DLC1: variants seen among roughly 807,000 people sequenced by gnomAD.
DLC1 encodes rho GTPase-activating protein 7.
A neutral mutation model predicts 140.3 loss-of-function variants in DLC1; 54 were observed. That is an observed-to-expected ratio of 0.38 (90% CI 0.31 to 0.48). The LOEUF (loss-of-function observed/expected upper bound fraction) is 0.48. Ranked by LOEUF, DLC1 falls within the 20% of genes least tolerant of loss-of-function variation. The pLI, the probability that DLC1 is intolerant of heterozygous loss-of-function variation, is 0.96. For synonymous variants in DLC1, 986 were observed against 728.1 expected (o/e 1.35, Z -5.70); for missense variants, 2,536 against 1,907.0 (o/e 1.33, Z -6.14).
intron 5 of DLC1, among the ~76,000 whole-genome samples, chr8:13,153,544 C>G (rs138928528): frequency 6.6e-6 from 1 of 152,238 alleles, no homozygotes; most frequent in Non-Finnish European, 1.5e-5. Context: ...CTCTTATTCC[C>G]TTATGTGGTC....
intron 5 of DLC1, among the ~76,000 whole-genome samples, chr8:13,269,499 T>G (rs1272405213): frequency 6.6e-6 from 1 of 151,462 alleles, no homozygotes; most frequent in Non-Finnish European, 1.5e-5. Context: ...GAGGATCACT[T>G]GAGGACAGCA....
intron 5 of DLC1, among the ~76,000 whole-genome samples, chr8:13,259,048 A>G (rs866951153): frequency 1.3e-5 from 2 of 151,210 alleles, no homozygotes; most frequent in Admixed American, 1.3e-4. Context: ...GAGGCAGGAG[A>G]ATGGCGTGAA....
chr8:13,589,668 C>A (rs1805450318), intron 1 of DLC1, among the ~76,000 whole-genome samples: 1 of 144,208 alleles, frequency 6.9e-6, no homozygotes, highest in Non-Finnish European at 1.5e-5. Context: ...CCTTTCTGCC[C>A]AGTTCTATAT....
chr8:13,132,721 G>T (rs545042186), intron 5 of DLC1, among the ~76,000 whole-genome samples: 45 of 152,290 alleles, frequency 3.0e-4, no homozygotes, highest in Non-Finnish European at 5.7e-4. Context: ...CAGGCAAAAG[G>T]TAATCAAGAG....
At chr8:13,093,961 G>T (rs2128931567) in intron 12 of DLC1, among the ~76,000 whole-genome samples, 1 of 152,302 alleles carries the variant, frequency 6.6e-6, no homozygotes, top group South Asian at 2.1e-4. Context: ...CATGGGTATT[G>T]TTCTCCCAAG....
chr8:13,449,917 TC>T (rs1432295913), intron 2 of DLC1, among the ~76,000 whole-genome samples: 2 of 152,026 alleles, frequency 1.3e-5, no homozygotes, highest in African/African-American at 2.4e-5. Flanking sequence ...GCAGTGGGGT[TC>T]TTATCTAATT....
intron 5 of DLC1, among the ~76,000 whole-genome samples, chr8:13,208,661 T>G (rs897388529): frequency 2.0e-5 from 3 of 151,864 alleles, no homozygotes; most frequent in Non-Finnish European, 4.4e-5. Context: ...AACCGTGGCT[T>G]AAGGATTAAG....
chr8:13,293,246 T>A (rs1831830011), intron 5 of DLC1, among the ~76,000 whole-genome samples: 1 of 152,096 alleles, frequency 6.6e-6, no homozygotes, highest in Non-Finnish European at 1.5e-5. Context: ...AATAAATTAA[T>A]TAAAAATGAA....
chr8:13,240,630 C>T (rs935554238), intron 5 of DLC1, among the ~76,000 whole-genome samples: 1 of 151,792 alleles, frequency 6.6e-6, no homozygotes, highest in Non-Finnish European at 1.5e-5. Context: ...ATGAGGCTTC[C>T]CTGTGTTGCC....
chr8:13,364,669 T>G (rs1214613031), intron 4 of DLC1, among the ~76,000 whole-genome samples: 1 of 152,180 alleles, frequency 6.6e-6, no homozygotes, highest in African/African-American at 2.4e-5. Context: ...TGCAAGCACA[T>G]AAGCTTACAT....
At chr8:13,592,925 T>C in intron 1 of DLC1, among the ~76,000 whole-genome samples, 1 of 152,170 alleles carries the variant, frequency 6.6e-6, no homozygotes, top group East Asian at 1.9e-4. Context: ...TGAGTCATGC[T>C]CTTCAAACAG....
chr8:13,516,543 A>C (rs1802594416), upstream of DLC1, among the ~76,000 whole-genome samples: 1 of 152,196 alleles, frequency 6.6e-6, no homozygotes. Context: ...TATTAGACCC[A>C]TGTTAGATGG....
At chr8:13,431,859 T>C (rs1838894053) in intron 2 of DLC1, among the ~76,000 whole-genome samples, 1 of 152,012 alleles carries the variant, frequency 6.6e-6, no homozygotes. Flanking sequence ...GATGGAGACA[T>C]AAAAAGATTC....
At chr8:13,585,194 C>A (rs1004115087) in intron 1 of DLC1, among the ~76,000 whole-genome samples, 1 of 152,074 alleles carries the variant, frequency 6.6e-6, no homozygotes, top group Non-Finnish European at 1.5e-5. Flanking sequence ...GAGATCTTGG[C>A]AGGTATAGGA....
At chr8:13,287,856 A>G (rs903803215) in intron 5 of DLC1, among the ~76,000 whole-genome samples, 25 of 152,106 alleles carry the variant, frequency 1.6e-4, no homozygotes, top group Non-Finnish European at 3.1e-4. Flanking sequence ...TATAATTATT[A>G]TAAGGTAGAT....
intron 4 of DLC1, among the ~76,000 whole-genome samples, chr8:13,365,349 T>C (rs1391623484): frequency 1.3e-5 from 2 of 152,102 alleles, no homozygotes; most frequent in African/African-American, 4.8e-5. Flanking sequence ...GATCCACGCC[T>C]TTGGTGGTAA....
At chr8:13,154,527 C>T (rs1008991813) in intron 5 of DLC1, among the ~76,000 whole-genome samples, 1 of 152,228 alleles carries the variant, frequency 6.6e-6, no homozygotes, top group African/African-American at 2.4e-5. Flanking sequence ...ATCCGGAACT[C>T]GTGCTGGCCC....
intron 4 of DLC1, among the ~76,000 whole-genome samples, chr8:13,352,203 G>A (rs918179972): frequency 3.3e-5 from 5 of 151,570 alleles, no homozygotes; most frequent in Admixed American, 6.5e-5. Context: ...ACGTGGATGC[G>A]CTTGTTCCGA....
At chr8:13,265,215 A>G (rs757669175) in intron 5 of DLC1, among the ~76,000 whole-genome samples, 2 of 152,236 alleles carry the variant, frequency 1.3e-5, no homozygotes, top group Non-Finnish European at 2.9e-5. Context: ...TAATTCACTG[A>G]AATATTTTTA....
Sources: allele counts gnomAD v4.1 joint callset (sites outside exome capture counted in the v4.1 genomes callset), GRCh38; gene constraint gnomAD v4.1.1; transcripts MANE v1.5; gene names NCBI Gene and HGNC (gene_info 2026-07-23, HGNC 2026-07-21).